ENOX1: variants seen among roughly 807,000 people sequenced by gnomAD.
The protein encoded by ENOX1 is ecto-NOX disulfide-thiol exchanger 1, also known as candidate growth-related and time keeping constitutive hydroquinone (NADH) oxidase.
Under a neutral mutation model 82.5 loss-of-function variants are expected in ENOX1, and 42 were observed. The ratio of observed to expected loss-of-function variants is 0.51; its 90% CI spans 0.40 to 0.66. ENOX1 has a LOEUF of 0.66. Ranked by LOEUF, ENOX1 falls within the 30% of genes least tolerant of loss-of-function variation. The pLI is 0.00. For missense variants in ENOX1, 608 were observed against 811.6 expected (o/e 0.75, Z 3.05); for synonymous variants, 271 against 282.2 (o/e 0.96, Z 0.40).
chr13:43,662,205 T>C (rs1020600923), intron 2 of ENOX1, among the ~76,000 whole-genome samples: 56 of 152,232 alleles, frequency 3.7e-4, no homozygotes, highest in African/African-American at 1.4e-3. Flanking sequence ...TTTCAGTTTT[T>C]CATGTTTACC....
chr13:43,292,005 T>C (rs187251197), intron 12 of ENOX1, among the ~76,000 whole-genome samples: 88 of 152,128 alleles, frequency 5.8e-4, no homozygotes, highest in African/African-American at 2.0e-3. Flanking sequence ...GCCACAGAGC[T>C]TCACAGAAAA....
intron 2 of ENOX1, among the ~76,000 whole-genome samples, chr13:43,490,606 C>A (rs80034366): frequency 0.013 from 1,996 of 152,194 alleles, 45 homozygotes; most frequent in African/African-American, 0.046. Flanking sequence ...AGATTAAGGA[C>A]CTTATTAAAA....
At chr13:43,470,367 T>C (rs1173516229) in intron 3 of ENOX1, among the ~76,000 whole-genome samples, 1 of 46,676 alleles carries the variant, frequency 2.1e-5, no homozygotes, top group Non-Finnish European at 4.1e-5. Context: ...TATATATACG[T>C]ATATATATAC....
chr13:43,258,347 C>T (rs142901070), intron 14 of ENOX1, among the ~76,000 whole-genome samples: 1 of 152,108 alleles, frequency 6.6e-6, no homozygotes, highest in Non-Finnish European at 1.5e-5. Flanking sequence ...ATGGGTTTCA[C>T]AGTGAATTGC....
At chr13:43,597,524 A>G (rs1310559643) in intron 2 of ENOX1, among the ~76,000 whole-genome samples, 6 of 152,240 alleles carry the variant, frequency 3.9e-5, no homozygotes, top group Admixed American at 3.9e-4. Context: ...AATCCAGATT[A>G]CAACCACATC....
intron 2 of ENOX1, among the ~76,000 whole-genome samples, chr13:43,550,387 T>G (rs2079143982): frequency 6.6e-6 from 1 of 152,204 alleles, no homozygotes. Context: ...GGTGTCTTCC[T>G]CCAGTGTCCA....
chr13:43,520,496 T>G (rs773804744), intron 2 of ENOX1, among the ~76,000 whole-genome samples: 1 of 152,180 alleles, frequency 6.6e-6, no homozygotes, highest in Non-Finnish European at 1.5e-5. Flanking sequence ...ATAAATACCA[T>G]ATGCAAGAAA....
intron 2 of ENOX1, among the ~76,000 whole-genome samples, chr13:43,542,932 C>A (rs2153695208): frequency 6.6e-6 from 1 of 152,222 alleles, no homozygotes; most frequent in East Asian, 1.9e-4. Flanking sequence ...CTCTCTAGGG[C>A]CTCTTTTATA....
chr13:43,510,352 G>A (rs781139170), intron 2 of ENOX1, among the ~76,000 whole-genome samples: 1 of 152,100 alleles, frequency 6.6e-6, no homozygotes, highest in Non-Finnish European at 1.5e-5. Flanking sequence ...TAAGTTCCAT[G>A]AGAGCAAGAA....
At chr13:43,653,272 T>C (rs771681952) in intron 2 of ENOX1, among the ~76,000 whole-genome samples, 7 of 152,212 alleles carry the variant, frequency 4.6e-5, no homozygotes, top group Non-Finnish European at 1.0e-4. Context: ...CAACACCTAA[T>C]TGAAACCCAT....
intron 5 of ENOX1, among the ~76,000 whole-genome samples, chr13:43,408,969 G>C (rs1470954347): frequency 6.7e-6 from 1 of 148,330 alleles, no homozygotes; most frequent in African/African-American, 2.5e-5. Context: ...GCAAAACATG[G>C]AGTAGATAAA....
At chr13:43,427,497 C>T (rs915370196) in intron 3 of ENOX1, among the ~76,000 whole-genome samples, 1 of 152,190 alleles carries the variant, frequency 6.6e-6, no homozygotes, top group Non-Finnish European at 1.5e-5. Context: ...CCAACTTTCT[C>T]CCACAAAGAG....
chr13:43,310,832 A>G (rs2047159498), intron 11 of ENOX1, among the ~76,000 whole-genome samples: 2 of 152,034 alleles, frequency 1.3e-5, no homozygotes, highest in Admixed American at 1.3e-4. Flanking sequence ...AATTCAATCA[A>G]GGTCACCTCA....
At chr13:43,411,500 C>A (rs999538618) in intron 5 of ENOX1, among the ~76,000 whole-genome samples, 1 of 152,182 alleles carries the variant, frequency 6.6e-6, no homozygotes, top group African/African-American at 2.4e-5. Flanking sequence ...CGAAACTCTG[C>A]TCTTCTGTTT....
chr13:43,666,365 A>G (rs78899204), intron 2 of ENOX1, among the ~76,000 whole-genome samples: 6,960 of 152,294 alleles, frequency 0.046, 176 homozygotes, highest in African/African-American at 0.062. Flanking sequence ...TGACATTTTT[A>G]GAAATAGAGT....
chr13:43,754,051 T>TATATACATATATACGTAAATACAC lies in ENOX1; in HGVS notation c.-285+32600_-285+32601insGTGTATTTACGTATATATGTATAT, dbSNP rs71099849. Reference sequence around the variant, plus strand: ...ACATATATATGTATATAAATACACATATATATACATATATACGTATATAAA... The same window carrying TATATACATATATACGTAAATACAC: ...ACATATATATGTATATAAATACACATATATACATATATACGTAAATACACATATATACATATATACGTATATAAA... On this transcript the variant is annotated intron_variant, in intron 1 of 16. Transcript: ENST00000690772. Among the ~76,000 whole-genome samples, 16 of 117,752 alleles carry TATATACATATATACGTAAATACAC rather than the reference T, an allele frequency of 1.4e-4. 1 individual carries two copies. Among genetic ancestry groups the TATATACATATATACGTAAATACAC allele is most frequent in the African/African-American group, 5.8e-4 (15 of 25,750 alleles). 77.2% of individuals were successfully genotyped at this position (117,752 alleles called of 152,430 possible).
chr13:43,705,626 C>T (rs962595478), intron 1 of ENOX1, among the ~76,000 whole-genome samples: 1 of 151,788 alleles, frequency 6.6e-6, no homozygotes, highest in Admixed American at 6.6e-5. Flanking sequence ...CTATAGAGGG[C>T]CGTTTCATTA....
intron 2 of ENOX1, among the ~76,000 whole-genome samples, chr13:43,627,444 A>G (rs904956995): frequency 2.7e-4 from 41 of 151,986 alleles, no homozygotes; most frequent in Non-Finnish European, 4.1e-4. Flanking sequence ...TCTGGTTATT[A>G]CATATATATG....
intron 15 of ENOX1, among the ~76,000 whole-genome samples, chr13:43,224,473 T>G (rs1224435459): frequency 6.6e-6 from 1 of 152,254 alleles, no homozygotes; most frequent in Non-Finnish European, 1.5e-5. Context: ...TTATAGTTAT[T>G]GGAAGGATAA....
Sources: gnomAD v4.1 joint callset for allele counts (sites outside exome capture counted in the v4.1 genomes callset) on GRCh38, gnomAD v4.1.1 for gene constraint, MANE v1.5 for transcripts, NCBI Gene and HGNC (gene_info 2026-07-23, HGNC 2026-07-21) for gene names.